NAA15: variants seen among roughly 807,000 people sequenced by gnomAD.
NAA15 encodes N-terminal acetyltransferase.
A neutral mutation model predicts 114.0 loss-of-function variants in NAA15; 34 were observed. The ratio of observed to expected loss-of-function variants is 0.30; its 90% CI spans 0.23 to 0.40. The LOEUF (loss-of-function observed/expected upper bound fraction) is 0.40, where lower values mean the gene tolerates loss of function less well. Ranked by LOEUF, NAA15 falls within the 10% of genes least tolerant of loss-of-function variation. NAA15 has a pLI of 1.00. For missense variants in NAA15, 658 were observed against 1,004.5 expected, an observed-to-expected ratio of 0.66 and a Z score of 4.66; for synonymous variants, 340 against 338.0, an observed-to-expected ratio of 1.01 and a Z score of -0.06.
intron 3 of NAA15, among the ~76,000 whole-genome samples, chr4:139,338,636 C>T (rs1021783140): frequency 1.3e-5 from 2 of 152,102 alleles, no homozygotes; most frequent in Non-Finnish European, 2.9e-5. Context: ...TTAGTAGAGA[C>T]AGGGTTTCAT....
chr4:139,375,165 G>T (rs1290571622), intron 15 of NAA15, among the ~76,000 whole-genome samples: 2 of 152,192 alleles, frequency 1.3e-5, no homozygotes, highest in African/African-American at 2.4e-5. Context: ...AGTAGAATAT[G>T]GAGTCATGGG....
chr4:139,378,001 G>A lies in NAA15; in HGVS notation c.2057-755G>A, dbSNP rs754461213. On this transcript the variant is annotated intron_variant, in intron 16 of 19. Transcript: ENST00000296543. Reference sequence around the variant, plus strand: ...CATTTGGAATCCACTGCAGTTGTACGAAATTGGTAATGACAAAGGCATGGC... The same window carrying A: ...CATTTGGAATCCACTGCAGTTGTACAAAATTGGTAATGACAAAGGCATGGC... 5.9e-5 allele frequency among the ~76,000 whole-genome samples: 9 copies of A among 152,214 alleles called. 1 individual carries two copies. Among genetic ancestry groups the A allele is most frequent in the Non-Finnish European group, 1.2e-4 (8 of 68,030 alleles).
At chr4:139,342,479 GTT>G (rs11402847) in intron 4 of NAA15, among the ~76,000 whole-genome samples, 6 of 125,530 alleles carry the variant, frequency 4.8e-5, no homozygotes, top group East Asian at 2.3e-4. Flanking sequence ...ATTAATGTGT[GTT>G]TTTTTTTTTT....
chr4:139,373,555 T>A (rs890491009), intron 15 of NAA15, among the ~76,000 whole-genome samples: 23 of 152,114 alleles, frequency 1.5e-4, no homozygotes, highest in Admixed American at 1.5e-3. Flanking sequence ...TGAACTTGAG[T>A]ATAAATCTCA....
chr4:139,332,572 GTTTTTTTT>G (rs1164115947), intron 1 of NAA15, among the ~76,000 whole-genome samples: 252 of 61,986 alleles, frequency 4.1e-3, no homozygotes, highest in Non-Finnish European at 5.8e-3. Flanking sequence ...TGGTTTGTAT[GTTTTTTTT>G]TTTTTTTTTT....
intron 1 of NAA15, among the ~76,000 whole-genome samples, chr4:139,315,891 T>A (rs974829947): frequency 4.0e-5 from 6 of 151,650 alleles, no homozygotes; most frequent in East Asian, 1.9e-4. Flanking sequence ...AAAAAAAAAA[T>A]TTAGGTTTCT....
intron 14 of NAA15, among the ~76,000 whole-genome samples, chr4:139,369,344 T>G (rs1302681690): frequency 6.6e-6 from 1 of 152,244 alleles, no homozygotes; most frequent in Non-Finnish European, 1.5e-5. Flanking sequence ...GTTTAACTTG[T>G]ATGTTTTGCT....
At chr4:139,315,001 T>TTCAGTTCAGTTCAGTTCAGG (rs1181192026) in intron 1 of NAA15, among the ~76,000 whole-genome samples, 2 of 74,356 alleles carry the variant, frequency 2.7e-5, no homozygotes, top group Non-Finnish European at 5.1e-5. Flanking sequence ...TTCAGTTCAG[T>TTCAGTTCAGTTCAGTTCAGG]TTAGTTTAGG....
chr4:139,369,751 A>G (rs1326222148), intron 14 of NAA15, among the ~76,000 whole-genome samples: 1 of 151,936 alleles, frequency 6.6e-6, no homozygotes, highest in Non-Finnish European at 1.5e-5. Context: ...AAAAAAAAAA[A>G]AAAAAAAGGC....
In NAA15 at chr4:139,351,613, TA is replaced by T; in HGVS notation, c.1014+5del. The T allele has an allele frequency of 7.2e-7, 1 of 1,385,366 alleles. No homozygotes were observed. Among genetic ancestry groups the T allele is most frequent in the Non-Finnish European group, 1.0e-6 (1 of 976,850 alleles). 85.8% of individuals were successfully genotyped at this position (1,385,366 alleles called of 1,614,324 possible). ...TCATTATACAAAGACAAAGAAAAGG[TA>T]AAGTGAAATATGATACTTTCTTTTG... On this transcript the variant is annotated splice_donor_region_variant and intron_variant, in intron 9 of 19. Transcript: ENST00000296543.
intron 2 of NAA15, among the ~76,000 whole-genome samples, chr4:139,335,173 T>C (rs1747154992): frequency 6.6e-6 from 1 of 152,080 alleles, no homozygotes; most frequent in African/African-American, 2.4e-5. Flanking sequence ...AAAACATATA[T>C]TTAAAAAAAC....
At chr4:139,317,671 G>A (rs917470641) in intron 1 of NAA15, among the ~76,000 whole-genome samples, 7 of 152,082 alleles carry the variant, frequency 4.6e-5, no homozygotes, top group African/African-American at 7.2e-5. Context: ...TAACCTATAG[G>A]GGACTTAATC....
intron 14 of NAA15, 97 bp from the exon 15 acceptor site, chr4:139,370,114 A>AT (rs1748394097): frequency 9.4e-7 from 1 of 1,065,234 alleles, no homozygotes; most frequent in Non-Finnish European, 1.3e-6. Context: ...CTCATGCAAT[A>AT]TTTTTTAATG....
intron 7 of NAA15, among the ~76,000 whole-genome samples, chr4:139,350,735 T>G (rs1463036851): frequency 1.3e-5 from 2 of 152,214 alleles, no homozygotes; most frequent in Non-Finnish European, 2.9e-5. Context: ...AAGATAGACG[T>G]AATTGCTGCC....
At position 139,370,282 on chromosome 4, in the gene NAA15, G is replaced by GACT; in HGVS notation, c.1826_1827insCTA (p.Glu609delinsAspTer). 1 of 1,590,922 alleles carries GACT rather than the reference G, an allele frequency of 6.3e-7. No individual in the cohort carries two copies. Among genetic ancestry groups the GACT allele is most frequent in the African/African-American group, 1.4e-5 (1 of 73,612 alleles). ...AAGAGCTCAAAAGAAAGCCCAGATA[G>GACT]AAGAAGAGAAAAAAAATGCAGAAAA... On this transcript the variant is annotated stop_gained and protein_altering_variant, in exon 15 of 20. Transcript: ENST00000296543. LOFTEE classifies it high-confidence loss of function.
chr4:139,358,659 G>T (rs1457093817), intron 11 of NAA15, among the ~76,000 whole-genome samples: 1 of 152,044 alleles, frequency 6.6e-6, no homozygotes, highest in Non-Finnish European at 1.5e-5. Context: ...CTAGATTATG[G>T]CTCATTAGTT....
intron 1 of NAA15, among the ~76,000 whole-genome samples, chr4:139,331,289 TAATA>T (rs1167461606): frequency 2.0e-5 from 3 of 152,216 alleles, no homozygotes; most frequent in Non-Finnish European, 2.9e-5. Context: ...TGTTGCTTAG[TAATA>T]CATCACTATT....
chr4:139,356,937 T>A (rs1747972242), intron 10 of NAA15, among the ~76,000 whole-genome samples: 2 of 86 alleles, frequency 0.023, no homozygotes, highest in African/African-American at 0.14. Flanking sequence ...ACAAGTATAT[T>A]TTATAACAGT....
At chr4:139,336,335 C>A (rs1391265114) in intron 2 of NAA15, among the ~76,000 whole-genome samples, 1 of 151,942 alleles carries the variant, frequency 6.6e-6, no homozygotes, top group African/African-American at 2.4e-5. Context: ...TTTCTGACAT[C>A]TTTTTCTTGT....
Sources: allele counts gnomAD v4.1 joint callset (sites outside exome capture counted in the v4.1 genomes callset), GRCh38; gene constraint gnomAD v4.1.1; transcripts MANE v1.5; gene names NCBI Gene and HGNC (gene_info 2026-07-23, HGNC 2026-07-21).